The following KHDRBS2 variants were observed in gnomAD, a reference collection of about 807,000 sequenced individuals.
KHDRBS2 encodes the protein KH RNA binding domain containing, signal transduction associated 2.
KHDRBS2 carries 26 observed loss-of-function variants against 44.3 expected under a neutral mutation model. The ratio of observed to expected loss-of-function variants is 0.59; its 90% confidence interval spans 0.43 to 0.81. KHDRBS2 has a LOEUF of 0.81. Ranked by LOEUF, KHDRBS2 falls within the 40% of genes least tolerant of loss-of-function variation. KHDRBS2 has a pLI of 0.00. For synonymous variants in KHDRBS2, 194 were observed against 151.1 expected (o/e 1.28, Z -2.08); for missense variants, 476 against 433.1 (o/e 1.10, Z -0.88).
At chr6:62,275,171 T>G (rs372666269) in intron 1 of KHDRBS2, among the ~76,000 whole-genome samples, 1 of 152,168 alleles carries the variant, frequency 6.6e-6, no homozygotes, top group South Asian at 2.1e-4. Flanking sequence ...ATTTTCCCTA[T>G]GTAGAGATGA....
chr6:61,945,150 T>TATACACACACAC (rs371595813), intron 4 of KHDRBS2, among the ~76,000 whole-genome samples: 7 of 86,996 alleles, frequency 8.0e-5, no homozygotes, highest in African/African-American at 3.0e-4. Context: ...TATATATATA[T>TATACACACACAC]ACACACAGAC....
chr6:62,240,522 A>T (rs536545319), intron 1 of KHDRBS2, among the ~76,000 whole-genome samples: 52 of 151,390 alleles, frequency 3.4e-4, no homozygotes, highest in African/African-American at 1.2e-3. Flanking sequence ...CACTAATTTC[A>T]TACACACAAT....
intron 6 of KHDRBS2, among the ~76,000 whole-genome samples, chr6:61,885,942 T>G (rs1800885011): frequency 6.6e-6 from 1 of 152,130 alleles, no homozygotes; most frequent in Admixed American, 6.6e-5. Context: ...CTGCTTGCTT[T>G]TTCTTACTCC....
intron 4 of KHDRBS2, among the ~76,000 whole-genome samples, chr6:61,912,852 A>G (rs1329866821): frequency 2.6e-5 from 4 of 152,098 alleles, no homozygotes; most frequent in Admixed American, 6.6e-5. Context: ...CAATCATGGG[A>G]ATGATTGTTG....
intron 6 of KHDRBS2, among the ~76,000 whole-genome samples, chr6:61,756,214 T>C (rs560290482): frequency 3.9e-4 from 59 of 152,298 alleles, no homozygotes; most frequent in African/African-American, 1.4e-3. Flanking sequence ...TGCATATTTA[T>C]GGATGCTTAC....
At chr6:62,197,857 C>T (rs1224144336) in intron 1 of KHDRBS2, among the ~76,000 whole-genome samples, 7 of 152,038 alleles carry the variant, frequency 4.6e-5, no homozygotes, top group East Asian at 3.9e-4. Flanking sequence ...CCTCAGCAAA[C>T]GTAAAAGAAC....
intron 2 of KHDRBS2, among the ~76,000 whole-genome samples, chr6:62,142,611 G>A (rs1419541888): frequency 1.3e-5 from 2 of 151,868 alleles, no homozygotes; most frequent in East Asian, 1.9e-4. Context: ...CAGCATGAAC[G>A]TTTGAAAAAA....
the KHDRBS2 span, among the ~76,000 whole-genome samples, chr6:61,635,474 C>G: frequency 1.3e-5 from 2 of 151,890 alleles, no homozygotes; most frequent in Admixed American, 6.6e-5. Context: ...TGGTTACTGA[C>G]CAAGTGTAAA....
At chr6:61,940,226 G>C (rs1202163273) in intron 4 of KHDRBS2, among the ~76,000 whole-genome samples, 1 of 143,568 alleles carries the variant, frequency 7.0e-6, no homozygotes, top group Admixed American at 7.3e-5. Context: ...AAATAGTGTA[G>C]TGGTAAATAA....
chr6:62,241,120 A>G (rs1834592545), intron 1 of KHDRBS2, among the ~76,000 whole-genome samples: 1 of 152,152 alleles, frequency 6.6e-6, no homozygotes, highest in Non-Finnish European at 1.5e-5. Context: ...AAATTATAAA[A>G]CTGTGCAAAC....
intron 4 of KHDRBS2, among the ~76,000 whole-genome samples, chr6:61,903,504 A>T (rs1314182113): frequency 6.6e-6 from 1 of 152,216 alleles, no homozygotes; most frequent in Non-Finnish European, 1.5e-5. Context: ...AATAAGATGA[A>T]GAAGAAGAAT....
intron 2 of KHDRBS2, among the ~76,000 whole-genome samples, chr6:62,119,799 G>A (rs1807156598): frequency 6.6e-6 from 1 of 152,162 alleles, no homozygotes; most frequent in Admixed American, 6.5e-5. Flanking sequence ...TGAGGCAACA[G>A]TGATGGCCTC....
intron 6 of KHDRBS2, among the ~76,000 whole-genome samples, chr6:61,785,751 T>C (rs1582833814): frequency 6.6e-6 from 1 of 152,108 alleles, no homozygotes; most frequent in East Asian, 1.9e-4. Context: ...AGAATATATT[T>C]TTTAAAAGTT....
chr6:61,846,984 T>G (rs1323533105), intron 6 of KHDRBS2, among the ~76,000 whole-genome samples: 1 of 152,026 alleles, frequency 6.6e-6, no homozygotes, highest in African/African-American at 2.4e-5. Flanking sequence ...TGTAAGTAAA[T>G]TACAACTGTC....
intron 2 of KHDRBS2, among the ~76,000 whole-genome samples, chr6:62,113,209 T>C (rs920738894): frequency 6.6e-6 from 1 of 152,090 alleles, no homozygotes; most frequent in Admixed American, 6.6e-5. Context: ...TTTAAGCACA[T>C]ATTATGTCCC....
chr6:61,776,353 C>T (rs1482383507), intron 6 of KHDRBS2, among the ~76,000 whole-genome samples: 1 of 151,942 alleles, frequency 6.6e-6, no homozygotes, highest in Non-Finnish European at 1.5e-5. Flanking sequence ...AGTGAACAGG[C>T]AACCTACAAA....
At chr6:62,183,098 C>G (rs1822678935) in intron 1 of KHDRBS2, among the ~76,000 whole-genome samples, 1 of 151,600 alleles carries the variant, frequency 6.6e-6, no homozygotes, top group Admixed American at 6.6e-5. Flanking sequence ...ATTTTAGAAC[C>G]CTTAATAGCT....
intron 6 of KHDRBS2, among the ~76,000 whole-genome samples, chr6:61,864,665 C>T (rs1346134275): frequency 6.6e-6 from 1 of 152,080 alleles, no homozygotes; most frequent in Non-Finnish European, 1.5e-5. Flanking sequence ...TTGCAGGTGA[C>T]CTGGCCTTTC....
chr6:61,737,097 G>A (rs1775482545), intron 6 of KHDRBS2, among the ~76,000 whole-genome samples: 1 of 151,986 alleles, frequency 6.6e-6, no homozygotes, highest in Admixed American at 6.6e-5. Flanking sequence ...ATTAATCACA[G>A]CTAAAAGATA....
Sources: gnomAD v4.1 joint callset for allele counts (sites outside exome capture counted in the v4.1 genomes callset) on GRCh38, gnomAD v4.1.1 for gene constraint, MANE v1.5 for transcripts, NCBI Gene and HGNC (gene_info 2026-07-23, HGNC 2026-07-21) for gene names.